Variants in C17orf75 observed in about 807,000 individuals in gnomAD.
The protein encoded by C17orf75 is protein Njmu-R1.
C17orf75 carries 32 observed loss-of-function variants against 49.6 expected under a neutral mutation model. That is an observed-to-expected ratio of 0.65 (90% CI 0.49 to 0.87). The LOEUF is 0.87. C17orf75 is among the 40% of genes least tolerant of loss of function. C17orf75 has a pLI of 0.00. For missense variants in C17orf75, 428 were observed against 473.9 expected (o/e 0.90, Z 0.90); for synonymous variants, 158 against 159.5 (o/e 0.99, Z 0.07).
chr17:32,338,308 T>C lies in C17orf75; in HGVS notation c.391A>G (p.Asn131Asp). Reference sequence around the variant, plus strand: ...ACTGTTTCAGGAAGCAGTTTTTCATTTTGGAAAAGGCAGTAATAACAACCA... The same window carrying C: ...ACTGTTTCAGGAAGCAGTTTTTCATCTTGGAAAAGGCAGTAATAACAACCA... ...RVGCYYCLFQ[N>D]EKLLPETVTI... Residue 131 changes from asparagine to aspartate, a missense_variant, in exon 4 of 10, where the codon AAT (asparagine) becomes GAT (aspartate). Transcript: ENST00000577809. 2 of 1,611,836 alleles carry C rather than the reference T, an allele frequency of 1.2e-6. No individual in the cohort carries two copies. Among genetic ancestry groups the C allele is most frequent in the Admixed American group, 1.7e-5 (1 of 59,456 alleles).
upstream of C17orf75, among the ~76,000 whole-genome samples, chr17:32,346,388 C>T (rs564668045): frequency 6.6e-6 from 1 of 152,266 alleles, no homozygotes; most frequent in East Asian, 1.9e-4. Flanking sequence ...CCACTGCACA[C>T]TACCAGCCTG....
chr17:32,334,872 T>C (rs746251152), intron 6 of C17orf75, 33 bp from the exon 7 acceptor site: 1 of 1,548,946 alleles, frequency 6.5e-7, no homozygotes, highest in Admixed American at 1.9e-5. Flanking sequence ...GATTGGTACA[T>C]ATATTCCAGT....
intron 5 of C17orf75, among the ~76,000 whole-genome samples, chr17:32,337,520 A>T (rs544023209): frequency 6.6e-6 from 1 of 152,166 alleles, no homozygotes; most frequent in Non-Finnish European, 1.5e-5. Flanking sequence ...TCTAGAATAC[A>T]GGCGTCTTTG....
At chr17:32,343,763 A>G (rs796300516), upstream of C17orf75, 4 of 633,880 alleles carry the variant, frequency 6.3e-6, no homozygotes, top group Non-Finnish European at 8.6e-6. Context: ...AACTACATTT[A>G]AAAGAGGATT....
At chr17:32,343,812 G>A (rs556175881), upstream of C17orf75, 8 of 669,474 alleles carry the variant, frequency 1.2e-5, no homozygotes, top group East Asian at 5.5e-5. Context: ...ATTTCAGATC[G>A]GCAGTAGTCT....
At chr17:32,341,758 T>G in intron 1 of C17orf75, 1 of 998,648 alleles carries the variant, frequency 1.0e-6, no homozygotes, top group Non-Finnish European at 1.2e-6. Context: ...TGGGATGATA[T>G]AGGGGCAGAT....
chr17:32,344,779 C>T (rs1430168003), upstream of C17orf75, among the ~76,000 whole-genome samples: 5 of 151,758 alleles, frequency 3.3e-5, no homozygotes, highest in Non-Finnish European at 4.4e-5. Flanking sequence ...TGGTGGCACA[C>T]ACCTGTAGTC....
chr17:32,348,003 C>A (rs373066464), intron 1 of C17orf75, among the ~76,000 whole-genome samples: 51 of 152,100 alleles, frequency 3.4e-4, no homozygotes, highest in African/African-American at 1.2e-3. Context: ...AGCAACTGCA[C>A]CCAGCCTGAA....
At chr17:32,349,046 A>G (rs1033493694) in intron 1 of C17orf75, among the ~76,000 whole-genome samples, 22 of 151,554 alleles carry the variant, frequency 1.5e-4, no homozygotes, top group Non-Finnish European at 2.9e-5. Flanking sequence ...TTGTATTTTT[A>G]GTAGAGACAG....
At chr17:32,342,449 A>C (rs1269967901), upstream of C17orf75, among the ~76,000 whole-genome samples, 1 of 152,280 alleles carries the variant, frequency 6.6e-6, no homozygotes, top group Non-Finnish European at 1.5e-5. Flanking sequence ...GAAAAGAATA[A>C]GGCTACTCGT....
rs764964539 is a variant in C17orf75, at chr17:32,339,802, T to C, written c.347+11A>G. 1.9e-6 allele frequency: 3 copies of C among 1,613,264 alleles called. No homozygotes were observed. ...AATAAAAACTCAGGACACAGCACAT[T>C]TTGCACTTACTTTAGCTCCACAGAT... is the stretch of plus-strand genomic sequence containing the variant. On this transcript the variant is annotated intron_variant, in intron 3 of 9. Coordinates refer to ENST00000577809, the MANE Select transcript of C17orf75 (RefSeq NM_022344.4).
intron 5 of C17orf75, among the ~76,000 whole-genome samples, chr17:32,337,523 C>A (rs1291707444): frequency 6.6e-6 from 1 of 152,082 alleles, no homozygotes; most frequent in Non-Finnish European, 1.5e-5. Flanking sequence ...AGAATACAGG[C>A]GTCTTTGTGT....
In C17orf75 at chr17:32,341,836, G is replaced by A. The variant is rs544629095; in HGVS notation, c.140+164C>T. 4.5e-3 allele frequency: 4,860 copies of A among 1,071,176 alleles called. 12 individuals carry two copies. The highest frequency in any genetic ancestry group is 4.9e-3 in the Non-Finnish European group (4,392 of 888,712). 66.4% of individuals were successfully genotyped at this position (1,071,176 alleles called of 1,614,324 possible). On this transcript the variant is annotated intron_variant, in intron 1 of 9. Transcript: ENST00000577809. ...CGGGGGCCAGGAAGAGCAGCGGGAGGCGAGGAGCGCCCTTCAGGCCAGAGA... is the reference window on the plus strand; with the variant it reads ...CGGGGGCCAGGAAGAGCAGCGGGAGACGAGGAGCGCCCTTCAGGCCAGAGA...
At chr17:32,344,444 C>T (rs958425897), upstream of C17orf75, among the ~76,000 whole-genome samples, 9 of 151,668 alleles carry the variant, frequency 5.9e-5, no homozygotes, top group East Asian at 1.2e-3. Flanking sequence ...GGTGAAACCC[C>T]ATCTCTACTA....
At chr17:32,346,914 A>G (rs1489663903), upstream of C17orf75, among the ~76,000 whole-genome samples, 2 of 151,888 alleles carry the variant, frequency 1.3e-5, no homozygotes, top group Non-Finnish European at 2.9e-5. Flanking sequence ...CAAACACCAC[A>G]GACTGGGGAA....
At chr17:32,338,416 C>T in intron 3 of C17orf75, 65 bp from the exon 4 acceptor site, 1 of 1,483,468 alleles carries the variant, frequency 6.7e-7, no homozygotes, top group Admixed American at 2.3e-5. Context: ...ATTTTGTGGA[C>T]TGCTCTGAAT....
At chr17:32,342,293 G>T, upstream of C17orf75, 9 of 1,270,094 alleles carry the variant, frequency 7.1e-6, no homozygotes, top group Non-Finnish European at 9.2e-6. Context: ...CCTGGAAAGG[G>T]AGTCTCTTCT....
intron 1 of C17orf75, among the ~76,000 whole-genome samples, chr17:32,348,960 G>A (rs2041453221): frequency 7.1e-6 from 1 of 140,668 alleles, no homozygotes; most frequent in Non-Finnish European, 1.5e-5. Flanking sequence ...TCACCTCCCA[G>A]GTCCAAGTGA....
At position 32,331,153 on chromosome 17, in the gene C17orf75, A is replaced by G. The variant is rs1401841570; in HGVS notation, c.*610T>C. The G allele has an allele frequency of 6.6e-6, 1 of 152,444 alleles. No homozygotes were observed. The highest frequency in any genetic ancestry group is 2.4e-5 in the African/African-American group (1 of 41,424). The allele number at this position is 152,444 out of a possible 1,614,324, so 9.4% of individuals were successfully genotyped here. On this transcript the variant is annotated 3_prime_UTR_variant, in exon 10 of 10. Coordinates refer to ENST00000577809, the MANE Select transcript of C17orf75 (RefSeq NM_022344.4). The stretch of plus-strand genomic sequence containing the variant: ...TTGAGCCACTGCGCCCAGCTCAAAG[A>G]TAATATTTTATCTTGAAGCTAGTGC...
Sources: gnomAD v4.1 joint callset for allele counts (sites outside exome capture counted in the v4.1 genomes callset) on GRCh38, gnomAD v4.1.1 for gene constraint, MANE v1.5 for transcripts, NCBI Gene and HGNC (gene_info 2026-07-23, HGNC 2026-07-21) for gene names.